The following ABI3BP variants were observed in gnomAD, a reference collection of about 807,000 sequenced individuals.
ABI3BP encodes the protein target of Nesh-SH3.
In ABI3BP, 216 loss-of-function variants were observed where a neutral mutation model predicts 268.6. The ratio of observed to expected loss-of-function variants is 0.80; its 90% CI spans 0.72 to 0.90. ABI3BP has a LOEUF of 0.90. ABI3BP is among the 40% of genes least tolerant of loss of function. The pLI, the probability that ABI3BP is intolerant of heterozygous loss-of-function variation, is 0.00. For synonymous variants in ABI3BP, 730 were observed against 730.0 expected (o/e 1.00, Z 0.00); for missense variants, 2,090 against 2,182.4 (o/e 0.96, Z 0.84).
At position 100,817,419 on chromosome 3, in the gene ABI3BP, A is replaced by G; in HGVS notation, c.3148+17T>C. ...ATAAGGAGGAAAAAGTTATTCAGGA[A>G]CACAGAATATCATTACCTAACGTTG... On this transcript the variant is annotated intron_variant, in intron 42 of 67. Transcript: ENST00000471714. The G allele has an allele frequency of 6.7e-7, 1 of 1,486,318 alleles. No homozygotes were observed. Among genetic ancestry groups the G allele is most frequent in the South Asian group, 1.3e-5 (1 of 77,764 alleles). The allele number at this position is 1,486,318 out of a possible 1,614,324, so 92.1% of individuals were successfully genotyped here.
chr3:100,831,111 C>T (rs2098484545), intron 31 of ABI3BP, among the ~76,000 whole-genome samples: 1 of 152,122 alleles, frequency 6.6e-6, no homozygotes, highest in Non-Finnish European at 1.5e-5. Context: ...GTGGTTTCTG[C>T]CTCTGGTGTT....
intron 51 of ABI3BP, among the ~76,000 whole-genome samples, chr3:100,797,252 A>G (rs1315175561): frequency 6.6e-6 from 1 of 152,114 alleles, no homozygotes; most frequent in East Asian, 1.9e-4. Context: ...GCAAAATTAA[A>G]CAGTAGATTG....
rs533949892 is a variant in ABI3BP at position 100,887,205 on chromosome 3, C to A, written c.462-882G>T. Among the ~76,000 whole-genome samples, 180 of 152,112 alleles carry A rather than the reference C, an allele frequency of 1.2e-3. 1 individual carries two copies. Among genetic ancestry groups the A allele is most frequent in the Non-Finnish European group, 2.2e-3 (150 of 67,948 alleles). The stretch of plus-strand genomic sequence containing the variant: ...CAGACTCCTCTGGCTCTACTTTAAA[C>A]AGCCGCTGTAAGTGGGGCAGCAGAT... On this transcript the variant is annotated intron_variant, in intron 4 of 67. Coordinates refer to ENST00000471714, the MANE Select transcript of ABI3BP (RefSeq NM_001375547.2).
chr3:100,767,084 T>C (rs2096306851), intron 62 of ABI3BP, among the ~76,000 whole-genome samples: 1 of 152,068 alleles, frequency 6.6e-6, no homozygotes, highest in African/African-American at 2.4e-5. Flanking sequence ...CACCTCAGCC[T>C]CCCGAGTAGC....
chr3:100,842,003 G>A lies in ABI3BP; in HGVS notation c.1760C>T (p.Thr587Ile). The A allele has an allele frequency of 6.5e-7, 1 of 1,532,948 alleles. No homozygotes were observed. Among genetic ancestry groups the A allele is most frequent in the Non-Finnish European group, 8.7e-7 (1 of 1,144,452 alleles). 95.0% of individuals were successfully genotyped at this position (1,532,948 alleles called of 1,614,324 possible). A position where few individuals can be genotyped will look rare whatever the true frequency, so the allele number is the denominator to read the frequency against. The change falls in exon 21 of 68, where the codon ACA becomes ATA. Residue 587 changes from threonine to isoleucine, a missense_variant. Physicochemically the swap from Thr to Ile is moderately conservative, Grantham distance 89. Transcript: ENST00000471714. ...EPQTLLPSQS[T>I]IGPETPGTKP... is the part of the protein sequence containing the mutation. ...ATTAAAAAAAGCTTTATTACCTATT[G>A]TTGACTGTGATGGCAGTAGAGTCTG...
At chr3:100,890,181 C>T (rs1169026102) in intron 4 of ABI3BP, among the ~76,000 whole-genome samples, 1 of 152,148 alleles carries the variant, frequency 6.6e-6, no homozygotes, top group East Asian at 1.9e-4. Flanking sequence ...TTCCATACTT[C>T]CTTCAGGAAT....
At chr3:100,894,986 G>GATGAGA (rs920453873) in intron 4 of ABI3BP, among the ~76,000 whole-genome samples, 1 of 67,504 alleles carries the variant, frequency 1.5e-5, no homozygotes. Flanking sequence ...AAAAACACAA[G>GATGAGA]ATGAGAATGT....
chr3:100,867,786 C>T (rs1035771451), intron 9 of ABI3BP, among the ~76,000 whole-genome samples: 2 of 151,120 alleles, frequency 1.3e-5, no homozygotes, highest in Non-Finnish European at 2.9e-5. Flanking sequence ...AAAAATTTAA[C>T]AGTAAATTTT....
chr3:100,958,900 C>G (rs2077784948), intron 1 of ABI3BP, among the ~76,000 whole-genome samples: 1 of 152,198 alleles, frequency 6.6e-6, no homozygotes, highest in Admixed American at 6.5e-5. Context: ...TGGTTACTTA[C>G]AGAAAAGATC....
In ABI3BP at chr3:100,902,459, T is replaced by C. The variant is rs991716972; in HGVS notation, c.328+159A>G. Among the ~76,000 whole-genome samples, 3 of 152,182 alleles carry C rather than the reference T, an allele frequency of 2.0e-5. No homozygotes were observed. The East Asian group carries it at 5.8e-4, about 29-fold the overall frequency. ...CCAAGCAGTCTCTACCACCAGGCTGTGTTACTTCTCCAAAAGGGTAAACTG... is the reference window on the plus strand; with the variant it reads ...CCAAGCAGTCTCTACCACCAGGCTGCGTTACTTCTCCAAAAGGGTAAACTG... On this transcript the variant is annotated intron_variant, in intron 3 of 67. Transcript: ENST00000471714.
chr3:100,876,484 A>G, intron 7 of ABI3BP, 28 bp downstream of exon 7: 1 of 1,594,648 alleles, frequency 6.3e-7, no homozygotes, highest in Non-Finnish European at 8.6e-7. Flanking sequence ...AGATTGCTCT[A>G]AACACATTTC....
intron 1 of ABI3BP, among the ~76,000 whole-genome samples, chr3:100,971,769 T>C (rs1390961527): frequency 6.6e-6 from 1 of 152,208 alleles, no homozygotes; most frequent in African/African-American, 2.4e-5. Context: ...CTGATGGAAG[T>C]TGGATTTCAT....
At chr3:100,851,825 A>G in intron 15 of ABI3BP, 50 bp downstream of exon 15, 2 of 1,445,236 alleles carry the variant, frequency 1.4e-6, no homozygotes, top group Non-Finnish European at 1.9e-6. Context: ...AGAACCACCA[A>G]GTGTTGGAAC....
At position 100,958,459 on chromosome 3, in the gene ABI3BP, T is replaced by C. The variant is rs143208837; in HGVS notation, c.80-31978A>G. Among the ~76,000 whole-genome samples the C allele has an allele frequency of 2.6e-3, 395 of 152,336 alleles. 1 individual carries two copies. Among genetic ancestry groups the C allele is most frequent in the African/African-American group, 9.0e-3 (375 of 41,582 alleles). On this transcript the variant is annotated intron_variant, in intron 1 of 67. Coordinates refer to ENST00000471714, the MANE Select transcript of ABI3BP (RefSeq NM_001375547.2). Reference sequence around the variant, plus strand: ...TTACCATATGATAAATATCCTGTAATGTATACATTGGGAAAACTAATAAAA... The same window carrying C: ...TTACCATATGATAAATATCCTGTAACGTATACATTGGGAAAACTAATAAAA...
At chr3:100,917,000 A>T (rs143071046) in intron 2 of ABI3BP, among the ~76,000 whole-genome samples, 338 of 152,342 alleles carry the variant, frequency 2.2e-3, no homozygotes, top group African/African-American at 7.7e-3. Context: ...ATGCCAGATA[A>T]AACAGGGTAT....
At chr3:100,920,917 T>TG (rs1293666391) in intron 2 of ABI3BP, among the ~76,000 whole-genome samples, 1 of 152,222 alleles carries the variant, frequency 6.6e-6, no homozygotes, top group African/African-American at 2.4e-5. Context: ...CCTCACATCA[T>TG]GCTGCCTCTC....
Position 100,851,956 on chromosome 3 carries a change from A to AAAGGCAAAAC in ABI3BP, c.1286-17_1286-16insGTTTTGCCTT. The AAAGGCAAAAC allele has an allele frequency of 6.5e-7, 1 of 1,536,092 alleles. No homozygotes were observed. The highest frequency in any genetic ancestry group is 8.8e-7 in the Non-Finnish European group (1 of 1,142,034). On this transcript the variant is annotated splice_polypyrimidine_tract_variant and intron_variant, in intron 14 of 67. Coordinates refer to ENST00000471714, the MANE Select transcript of ABI3BP (RefSeq NM_001375547.2). ...TCATAAGTTGCTTAAAAAAAAAAAA[A>AAAGGCAAAAC]AGGCAAAACAAGAGAGATGTTAATT... is the stretch of plus-strand genomic sequence containing the variant.
At position 100,749,315 on chromosome 3, in the gene ABI3BP, T is replaced by TAACAAACA. The variant is rs201734724; in HGVS notation, c.*1172_*1179dup. The TAACAAACA allele has an allele frequency of 4.3e-5, 3 of 69,792 alleles. No homozygotes were observed. The highest frequency in any genetic ancestry group is 2.2e-4 in the African/African-American group (3 of 13,480). 4.3% of individuals were successfully genotyped at this position (69,792 alleles called of 1,614,324 possible). A position where few individuals can be genotyped will look rare whatever the true frequency, so the allele number is the denominator to read the frequency against. ...AACATACTGATGAACCATTCAGAAA[T>TAACAAACA]AACAAACAAAAACTCAATCTTAAAA... On this transcript the variant is annotated 3_prime_UTR_variant, in exon 68 of 68. Coordinates refer to ENST00000471714, the MANE Select transcript of ABI3BP (RefSeq NM_001375547.2).
rs1291074838 is a variant in ABI3BP at position 100,818,544 on chromosome 3, A to C, written c.3069T>G (p.Thr1023=). 1 of 1,535,520 alleles carries C rather than the reference A, an allele frequency of 6.5e-7. No individual in the cohort carries two copies. The highest frequency in any genetic ancestry group is 8.7e-7 in the Non-Finnish European group (1 of 1,146,548). The part of the protein sequence containing the change: ...STDLEPGTLR[T]EAPKTMVVTT... Reference sequence around the variant, plus strand: ...CATTACCCATGGTTTTTGGAGCTTCAGTTCTGAGAGTACCAGGTTCAAGAT... The same window carrying C: ...CATTACCCATGGTTTTTGGAGCTTCCGTTCTGAGAGTACCAGGTTCAAGAT... Residue 1023 remains threonine (T), a synonymous_variant, in exon 41 of 68, where the codon ACT becomes ACG. Transcript: ENST00000471714.
Sources: allele counts gnomAD v4.1 joint callset (sites outside exome capture counted in the v4.1 genomes callset), GRCh38; gene constraint gnomAD v4.1.1; transcripts MANE v1.5; gene names NCBI Gene and HGNC (gene_info 2026-07-23, HGNC 2026-07-21).